Variants in CDH18 observed in about 807,000 individuals in gnomAD.
CDH18 encodes cadherin 18, also known as cadherin-18.
A neutral mutation model predicts 67.9 loss-of-function variants in CDH18; 31 were observed. That is an observed-to-expected ratio of 0.46 (90% confidence interval 0.34 to 0.62). CDH18 has a LOEUF of 0.62. Ranked by LOEUF, CDH18 falls within the 20% of genes least tolerant of loss-of-function variation. CDH18 has a pLI of 0.01. For missense variants in CDH18, 890 were observed against 975.5 expected, an observed-to-expected ratio of 0.91 and a Z score of 1.17; for synonymous variants, 362 against 347.2, an observed-to-expected ratio of 1.04 and a Z score of -0.48.
In CDH18 at chr5:20,399,326, A is replaced by G. The variant is rs577377957; in HGVS notation, c.-579-143821T>C. ...TATGAAATTAATTTATGTCCACATA[A>G]CAAAAAGGAATGTGAGGGAGAGAGA... On this transcript the variant is annotated intron_variant, in intron 1 of 14. Coordinates refer to the CDH18 transcript ENST00000507958. Among the ~76,000 whole-genome samples, 3 of 152,332 alleles carry G rather than the reference A, an allele frequency of 2.0e-5. No individual in the cohort carries two copies. In the South Asian group the frequency reaches 6.2e-4, roughly 32 times the overall value.
At chr5:19,898,005 T>A (rs1468573621) in intron 2 of CDH18, among the ~76,000 whole-genome samples, 1 of 152,134 alleles carries the variant, frequency 6.6e-6, no homozygotes, top group South Asian at 2.1e-4. Context: ...ATGATATGTA[T>A]GCTTTTCTAT....
Position 19,612,546 on chromosome 5 carries a change from G to C in CDH18, c.699C>G (p.Ser233=), listed in dbSNP as rs760613555. 5.0e-6 allele frequency: 8 copies of C among 1,613,822 alleles called. No individual in the cohort carries two copies. In the Admixed American group the frequency reaches 1.2e-4, roughly 24 times the overall value. The change falls in exon 6 of 13, where the codon TCC becomes TCG. Residue 233 remains serine, a synonymous_variant. Transcript: ENST00000382275. ...NMDREAREHY[S]VVIQAKDMAG... is the part of the protein sequence containing the mutation. Reference sequence around the variant, plus strand: ...CCATGTCTTTGGCTTGAATGACTACGGAGTAATGTTCTCTGGCTTCTCTGT... The same window carrying C: ...CCATGTCTTTGGCTTGAATGACTACCGAGTAATGTTCTCTGGCTTCTCTGT...
rs568100064 is a variant in CDH18, at chr5:20,516,510, T to C, written c.-580+58952A>G. On this transcript the variant is annotated intron_variant, in intron 1 of 14. Coordinates refer to the CDH18 transcript ENST00000507958. The stretch of plus-strand genomic sequence containing the variant: ...GAGTTTTCAAATGAGCTGGTTCTTA[T>C]ATTTCTATGCATATTTATTTATACA... Among the ~76,000 whole-genome samples the C allele has an allele frequency of 6.0e-4, 91 of 152,136 alleles. 2 individuals carry two copies. Among genetic ancestry groups the C allele is most frequent in the African/African-American group, 2.2e-3 (90 of 41,574 alleles).
chr5:20,267,989 C>A (rs1472333318), intron 1 of CDH18, among the ~76,000 whole-genome samples: 1 of 152,138 alleles, frequency 6.6e-6, no homozygotes, highest in African/African-American at 2.4e-5. Context: ...GTTTATCTTT[C>A]CCATCTTGAT....
intron 1 of CDH18, among the ~76,000 whole-genome samples, chr5:20,393,064 T>C (rs948253750): frequency 4.0e-5 from 6 of 151,870 alleles, no homozygotes; most frequent in South Asian, 4.1e-4. Flanking sequence ...TGGAAACACA[T>C]ACACAAATAT....
chr5:20,468,844 A>G (rs1751850509), intron 1 of CDH18, among the ~76,000 whole-genome samples: 1 of 152,222 alleles, frequency 6.6e-6, no homozygotes. Context: ...TGGAAAGTGG[A>G]TACACATCAG....
intron 1 of CDH18, among the ~76,000 whole-genome samples, chr5:20,291,167 G>A (rs751214053): frequency 6.6e-6 from 1 of 152,112 alleles, no homozygotes; most frequent in Non-Finnish European, 1.5e-5. Flanking sequence ...AGCATGCCAA[G>A]TTTGAAATTT....
chr5:20,557,084 A>T (rs1757946172), intron 1 of CDH18, among the ~76,000 whole-genome samples: 1 of 152,190 alleles, frequency 6.6e-6, no homozygotes, highest in South Asian at 2.1e-4. Context: ...CTATTTCAGG[A>T]ACTTACTAGT....
chr5:20,394,817 C>G (rs759613487), intron 1 of CDH18, among the ~76,000 whole-genome samples: 1 of 151,486 alleles, frequency 6.6e-6, no homozygotes, highest in African/African-American at 2.4e-5. Flanking sequence ...AAATGGCCAA[C>G]AAACATATGA....
intron 2 of CDH18, among the ~76,000 whole-genome samples, chr5:20,147,377 C>T (rs544351749): frequency 6.4e-4 from 98 of 152,118 alleles, no homozygotes; most frequent in African/African-American, 2.1e-3. Context: ...CATTCTTATA[C>T]CCTCTAGCTC....
intron 3 of CDH18, among the ~76,000 whole-genome samples, chr5:19,810,889 G>A (rs1471240913): frequency 6.6e-6 from 1 of 151,782 alleles, no homozygotes; most frequent in East Asian, 1.9e-4. Context: ...CAGGTATGGT[G>A]GCACATGCCT....
chr5:19,891,092 T>C (rs1788738648), intron 2 of CDH18, among the ~76,000 whole-genome samples: 3 of 152,304 alleles, frequency 2.0e-5, no homozygotes, highest in Middle Eastern at 6.8e-3. Context: ...CCCTTGGCAC[T>C]GGCATCCTTT....
intron 4 of CDH18, among the ~76,000 whole-genome samples, chr5:19,731,075 T>C (rs1476647069): frequency 6.6e-6 from 1 of 152,144 alleles, no homozygotes; most frequent in Non-Finnish European, 1.5e-5. Flanking sequence ...TTTTATTCTG[T>C]TACAAATGCA....
intron 1 of CDH18, among the ~76,000 whole-genome samples, chr5:20,568,675 T>G (rs1336693839): frequency 6.6e-6 from 1 of 152,178 alleles, no homozygotes. Flanking sequence ...AGACGGCAAC[T>G]GAGAGAAAAT....
intron 2 of CDH18, among the ~76,000 whole-genome samples, chr5:20,215,821 G>A (rs1687196802): frequency 2.0e-5 from 3 of 151,900 alleles, no homozygotes; most frequent in African/African-American, 7.2e-5. Context: ...TCATGTTTTG[G>A]CAGGAACATG....
chr5:20,505,519 T>C (rs1754604791), intron 1 of CDH18, among the ~76,000 whole-genome samples: 1 of 152,334 alleles, frequency 6.6e-6, no homozygotes, highest in Non-Finnish European at 1.5e-5. Flanking sequence ...ATGTTAGACT[T>C]TCATATACAA....
intron 9 of CDH18, among the ~76,000 whole-genome samples, chr5:19,523,873 A>C (rs1747323410): frequency 6.6e-6 from 1 of 152,256 alleles, no homozygotes; most frequent in Non-Finnish European, 1.5e-5. Context: ...CAACTCCTGA[A>C]TGGATACAAA....
intron 2 of CDH18, among the ~76,000 whole-genome samples, chr5:19,849,892 T>G (rs1783499095): frequency 6.6e-6 from 1 of 151,562 alleles, no homozygotes; most frequent in African/African-American, 2.4e-5. Flanking sequence ...TTATGACCAT[T>G]TTTGAGTTGA....
intron 3 of CDH18, among the ~76,000 whole-genome samples, chr5:19,808,037 C>T (rs1241524146): frequency 6.6e-6 from 1 of 151,890 alleles, no homozygotes; most frequent in Non-Finnish European, 1.5e-5. Flanking sequence ...TCAAAATAAA[C>T]TCGATTATAG....
Sources: allele counts gnomAD v4.1 joint callset (sites outside exome capture counted in the v4.1 genomes callset), GRCh38; gene constraint gnomAD v4.1.1; transcripts MANE v1.5; gene names NCBI Gene and HGNC (gene_info 2026-07-23, HGNC 2026-07-21).